CLEC16A: variants seen among roughly 807,000 people sequenced by gnomAD.
CLEC16A encodes the protein C-type lectin domain containing 16A.
In CLEC16A, 51 loss-of-function variants were observed where a neutral mutation model predicts 109.5. That is an observed-to-expected ratio of 0.47 (90% CI 0.37 to 0.59). The LOEUF (loss-of-function observed/expected upper bound fraction) is 0.59. Among genes scored for constraint, CLEC16A ranks in the 20% least tolerant of loss-of-function variants. The probability of loss-of-function intolerance (pLI) is 0.00; values close to 1 mark genes in which losing one functional copy is unlikely to be tolerated. For synonymous variants in CLEC16A, 673 were observed against 564.2 expected (o/e 1.19, Z -2.73); for missense variants, 1,339 against 1,394.0 (o/e 0.96, Z 0.63).
Position 11,174,986 on chromosome 16 carries a change from C to T in CLEC16A, c.2807-3349C>T, listed in dbSNP as rs1423904837. Among the ~76,000 whole-genome samples, 3 of 152,220 alleles carry T rather than the reference C, an allele frequency of 2.0e-5. No individual in the cohort carries two copies. Among genetic ancestry groups the T allele is most frequent in the Admixed American group, 2.0e-4 (3 of 15,276 alleles). Reference sequence around the variant, plus strand: ...TTCTGATGCGCTTTTCTCCATTGGCCGTTGCGCTTGTCTGCTGGGAGCCTT... The same window carrying T: ...TTCTGATGCGCTTTTCTCCATTGGCTGTTGCGCTTGTCTGCTGGGAGCCTT... On this transcript the variant is annotated intron_variant, in intron 23 of 23. Transcript: ENST00000409790. The surrounding 1 kb of genome is among the most constrained non-coding windows in gnomAD (Gnocchi z 4.7).
chr16:11,158,364 C>T (rs962895275), intron 22 of CLEC16A, among the ~76,000 whole-genome samples: 2 of 152,134 alleles, frequency 1.3e-5, no homozygotes, highest in African/African-American at 2.4e-5. Context: ...TTGCTTCTCC[C>T]GAATCAGCCC....
intron 19 of CLEC16A, among the ~76,000 whole-genome samples, chr16:11,068,987 T>C (rs1029791495): frequency 5.8e-4 from 59 of 102,018 alleles, no homozygotes; most frequent in Non-Finnish European, 8.8e-4. Flanking sequence ...GCTAATTTTC[T>C]TTTTTTTTTT....
chr16:10,949,683 C>T (rs2041622504), intron 1 of CLEC16A, among the ~76,000 whole-genome samples: 1 of 152,170 alleles, frequency 6.6e-6, no homozygotes. Flanking sequence ...AGTAGGGAGC[C>T]ACTGAAGGTT....
intron 1 of CLEC16A, among the ~76,000 whole-genome samples, chr16:10,948,864 C>G (rs1349311427): frequency 6.6e-6 from 1 of 152,192 alleles, no homozygotes; most frequent in Non-Finnish European, 1.5e-5. Flanking sequence ...ATCATATCAG[C>G]TTAGCATTCC....
intron 18 of CLEC16A, among the ~76,000 whole-genome samples, chr16:11,060,587 G>T (rs1353727793): frequency 6.6e-6 from 1 of 152,238 alleles, no homozygotes; most frequent in Non-Finnish European, 1.5e-5. Context: ...GGGGCTGACT[G>T]CTGGGCAGGG....
At chr16:11,108,600 G>C (rs2051365389) in intron 19 of CLEC16A, among the ~76,000 whole-genome samples, 1 of 152,244 alleles carries the variant, frequency 6.6e-6, no homozygotes, top group African/African-American at 2.4e-5. Flanking sequence ...GTTTTGATCA[G>C]CTTGTTCAGG....
In CLEC16A at chr16:11,052,880, C is replaced by G. The variant is rs577381480; in HGVS notation, c.1995+1239C>G. On this transcript the variant is annotated intron_variant, in intron 18 of 23. Transcript: ENST00000409790. ...CACTGCTGCTCTGGATTCCACTTTGCCTTTTTGTTGTTGTTGTTGTTGTTG... is the reference window on the plus strand; with the variant it reads ...CACTGCTGCTCTGGATTCCACTTTGGCTTTTTGTTGTTGTTGTTGTTGTTG... Among the ~76,000 whole-genome samples the G allele has an allele frequency of 3.0e-3, 382 of 127,450 alleles. 3 individuals are homozygous for G. Among genetic ancestry groups the G allele is most frequent in the Non-Finnish European group, 5.1e-3 (314 of 61,512 alleles). The allele number at this position is 127,450 out of a possible 152,430, so 83.6% of individuals were successfully genotyped here.
At chr16:11,012,082 A>G (rs1248294109) in intron 11 of CLEC16A, among the ~76,000 whole-genome samples, 1 of 152,196 alleles carries the variant, frequency 6.6e-6, no homozygotes, top group African/African-American at 2.4e-5. Flanking sequence ...TGAGCACATT[A>G]ATTCCTCACT....
At chr16:10,950,764 T>A (rs775619194) in intron 1 of CLEC16A, among the ~76,000 whole-genome samples, 2 of 152,234 alleles carry the variant, frequency 1.3e-5, no homozygotes, top group Non-Finnish European at 2.9e-5. Context: ...ACAGGCTCTG[T>A]GTCTCCCATC....
chr16:11,056,917 G>C (rs1041271464), intron 18 of CLEC16A: 2 of 152,118 alleles, frequency 1.3e-5, no homozygotes, highest in East Asian at 3.8e-4. Flanking sequence ...TGTTGTCACA[G>C]TTTAAATAAG....
intron 18 of CLEC16A, among the ~76,000 whole-genome samples, chr16:11,058,067 G>A (rs985539637): frequency 6.6e-6 from 1 of 152,324 alleles, no homozygotes; most frequent in South Asian, 2.1e-4. Flanking sequence ...TTACAGAGTT[G>A]TGGGGCTGCC....
intron 19 of CLEC16A, among the ~76,000 whole-genome samples, chr16:11,103,768 A>C (rs1407360512): frequency 6.6e-6 from 1 of 150,384 alleles, no homozygotes; most frequent in Non-Finnish European, 1.5e-5. Flanking sequence ...AGTCTTACCC[A>C]TCTCTGTGGT....
At position 11,008,059 on chromosome 16, in the gene CLEC16A, G is replaced by C. The variant is rs79578379; in HGVS notation, c.1303+4754G>C. On this transcript the variant is annotated intron_variant, in intron 11 of 23. Coordinates refer to ENST00000409790, the MANE Select transcript of CLEC16A (RefSeq NM_015226.3). ...AAGGAAGGGCTGCCCCCAGTACTTAGAGCACTTAGCGCACACACTCTCGGT... is the reference window on the plus strand; with the variant it reads ...AAGGAAGGGCTGCCCCCAGTACTTACAGCACTTAGCGCACACACTCTCGGT... Among the ~76,000 whole-genome samples, 683 of 152,248 alleles carry C rather than the reference G, an allele frequency of 4.5e-3. 5 individuals are homozygous for C. Among genetic ancestry groups the C allele is most frequent in the Middle Eastern group, 0.031 (9 of 294 alleles).
At chr16:11,149,691 A>C (rs1423983068) in intron 22 of CLEC16A, among the ~76,000 whole-genome samples, 3 of 152,064 alleles carry the variant, frequency 2.0e-5, no homozygotes, top group African/African-American at 7.2e-5. Context: ...TGGGAAGCTG[A>C]GACATGAGAA....
rs1285669292 is a variant in CLEC16A at position 11,010,337 on chromosome 16, T to TG, written c.1303+7032_1303+7033insG. ...AATGCACACAACAGGCCCTAGCACC[T>TG]TTTTGTTTATTCATCATGTATATTT... is the stretch of plus-strand genomic sequence containing the variant. On this transcript the variant is annotated intron_variant, in intron 11 of 23. Coordinates refer to ENST00000409790, the MANE Select transcript of CLEC16A (RefSeq NM_015226.3). 1.1e-4 allele frequency among the ~76,000 whole-genome samples: 17 copies of TG among 152,304 alleles called. No individual in the cohort carries two copies. The South Asian group carries it at 3.3e-3, about 30-fold the overall frequency.
intron 19 of CLEC16A, among the ~76,000 whole-genome samples, chr16:11,079,750 G>T (rs1281964750): frequency 6.6e-6 from 1 of 152,146 alleles, no homozygotes; most frequent in Non-Finnish European, 1.5e-5. Context: ...CCTTTAACTG[G>T]TTTCTCATAA....
At chr16:10,985,054 T>C (rs1253501900) in intron 10 of CLEC16A, among the ~76,000 whole-genome samples, 1 of 151,384 alleles carries the variant, frequency 6.6e-6, no homozygotes, top group Non-Finnish European at 1.5e-5. Context: ...ACAAAAAAAA[T>C]TGGCCGGGCA....
In CLEC16A at chr16:11,134,522, A is replaced by G. The variant is rs77988880; in HGVS notation, c.2641+8376A>G. On this transcript the variant is annotated intron_variant, in intron 22 of 23. Transcript: ENST00000409790. ...CTGCCTCTAAATCCCATTTGCTTCA[A>G]GGCTGGCATTGGTGCAGGTTGAATA... Among the ~76,000 whole-genome samples the G allele has an allele frequency of 2.0e-3, 308 of 152,300 alleles. 1 individual carries two copies. The highest frequency in any genetic ancestry group is 3.6e-3 in the Non-Finnish European group (242 of 68,004).
chr16:11,145,569 A>G (rs1384257146), intron 22 of CLEC16A, among the ~76,000 whole-genome samples: 1 of 152,246 alleles, frequency 6.6e-6, no homozygotes, highest in Non-Finnish European at 1.5e-5. Flanking sequence ...TTAGGGCCAT[A>G]TGGTCTCTGT....
Sources: gnomAD v4.1 joint callset for allele counts (sites outside exome capture counted in the v4.1 genomes callset) on GRCh38, gnomAD v4.1.1 for gene constraint, Gnocchi (gnomAD v3.1) non-coding constraint, MANE v1.5 for transcripts, NCBI Gene and HGNC (gene_info 2026-07-23, HGNC 2026-07-21) for gene names.